The following LARGE1 variants were observed in gnomAD, a reference collection of about 807,000 sequenced individuals.
LARGE1 encodes the protein LARGE xylosyl- and glucuronyltransferase 1, also known as xylosyl- and glucuronyltransferase LARGE1.
In LARGE1, 43 loss-of-function variants were observed where a neutral mutation model predicts 87.6. That is an observed-to-expected ratio of 0.49 (90% confidence interval 0.38 to 0.63). The LOEUF (loss-of-function observed/expected upper bound fraction) is 0.63, where lower values mean the gene tolerates loss of function less well. LARGE1 is among the 30% of genes least tolerant of loss of function. LARGE1 has a pLI of 0.00. For synonymous variants in LARGE1, 434 were observed against 394.6 expected (o/e 1.10, Z -1.18); for missense variants, 802 against 1,000.2 (o/e 0.80, Z 2.67).
chr22:33,570,668 A>G (rs1443220314), intron 5 of LARGE1, among the ~76,000 whole-genome samples: 2 of 142,976 alleles, frequency 1.4e-5, no homozygotes, highest in African/African-American at 5.1e-5. Flanking sequence ...AAAAAAAAAA[A>G]AATCACAAGC....
chr22:33,457,209 C>G (rs2147973734), intron 6 of LARGE1, among the ~76,000 whole-genome samples: 1 of 151,534 alleles, frequency 6.6e-6, no homozygotes, highest in East Asian at 1.9e-4. Context: ...CTCACTGAAA[C>G]CTCTGCCTCC....
intron 11 of LARGE1, among the ~76,000 whole-genome samples, chr22:33,172,549 T>G (rs1048981426): frequency 5.9e-5 from 9 of 152,134 alleles, no homozygotes; most frequent in Non-Finnish European, 1.3e-4. Flanking sequence ...CTTCCCCAAA[T>G]TTCTCTGCAA....
At chr22:33,688,324 A>G (rs2082000916) in intron 2 of LARGE1, among the ~76,000 whole-genome samples, 5 of 152,196 alleles carry the variant, frequency 3.3e-5, no homozygotes. Flanking sequence ...AGAGTGTCAG[A>G]GTCCAAATCC....
At chr22:33,469,469 C>T (rs894113577) in intron 6 of LARGE1, among the ~76,000 whole-genome samples, 2 of 152,144 alleles carry the variant, frequency 1.3e-5, no homozygotes, top group African/African-American at 4.8e-5. Flanking sequence ...AAACCAAACA[C>T]TGAGTTTACA....
chr22:33,163,516 C>T (rs1195171907), exon 12 of LARGE1: 1 of 152,234 alleles, frequency 6.6e-6, no homozygotes, highest in Non-Finnish European at 1.5e-5. Flanking sequence ...GGCTCTCTTT[C>T]CACCCTTGTA....
chr22:33,513,081 ACACAAGTGGAAG>A (rs754699613), intron 6 of LARGE1, among the ~76,000 whole-genome samples: 54 of 152,234 alleles, frequency 3.5e-4, no homozygotes, highest in Non-Finnish European at 3.7e-4. Flanking sequence ...TGCTGGTGAG[ACACAAGTGGAAG>A]CACGGCTGTC....
intron 11 of LARGE1, among the ~76,000 whole-genome samples, chr22:33,254,063 G>A (rs1927139465): frequency 6.6e-6 from 1 of 152,152 alleles, no homozygotes; most frequent in African/African-American, 2.4e-5. Context: ...CCCAAAGTGG[G>A]AGCAAACAGG....
At position 33,906,446 on chromosome 22, in the gene LARGE1, T is replaced by C. The variant is rs76578840; in HGVS notation, c.-83+13549A>G. 2.4e-3 allele frequency among the ~76,000 whole-genome samples: 372 copies of C among 152,268 alleles called. 4 individuals carry two copies. Among genetic ancestry groups the C allele is most frequent in the Middle Eastern group, 6.8e-3 (2 of 294 alleles). On this transcript the variant is annotated intron_variant, in intron 1 of 14. Transcript: ENST00000397394. ...TTCTGAAAACAAAATTCATTTCCAG[T>C]CTCTGGGCTTTATTGCTTGAGCAAA...
chr22:33,080,943 CATCT>C, the LARGE1 span, among the ~76,000 whole-genome samples: 8 of 142,116 alleles, frequency 5.6e-5, no homozygotes, highest in African/African-American at 2.3e-4. Context: ...TCCGTTCATC[CATCT>C]GTCTTCCATC....
intron 6 of LARGE1, among the ~76,000 whole-genome samples, chr22:33,448,423 A>G (rs971144959): frequency 1.3e-5 from 2 of 152,254 alleles, no homozygotes; most frequent in African/African-American, 4.8e-5. Flanking sequence ...TAAACAATAA[A>G]TTAAGAAAAG....
intron 4 of LARGE1, among the ~76,000 whole-genome samples, chr22:33,606,821 G>T (rs1047226918): frequency 1.3e-5 from 2 of 152,112 alleles, no homozygotes; most frequent in Non-Finnish European, 2.9e-5. Flanking sequence ...TTATCTCTTA[G>T]TCTGCCTTAG....
chr22:33,892,949 T>C (rs2065041530), intron 1 of LARGE1, among the ~76,000 whole-genome samples: 2 of 152,172 alleles, frequency 1.3e-5, no homozygotes, highest in Admixed American at 1.3e-4. Flanking sequence ...TTTGCAAACG[T>C]GGAGTGAGGG....
chr22:33,306,644 G>A (rs1029036568), intron 11 of LARGE1, among the ~76,000 whole-genome samples: 2 of 152,072 alleles, frequency 1.3e-5, no homozygotes, highest in Admixed American at 1.3e-4. Context: ...AGGCCAAGGC[G>A]GGCAGATCAT....
rs749539671 is a variant in LARGE1, at chr22:33,273,668, C to T, written c.*759G>A. 6 of 398,660 alleles carry T rather than the reference C, an allele frequency of 1.5e-5. No individual in the cohort carries two copies. The highest frequency in any genetic ancestry group is 4.4e-5 in the Admixed American group (1 of 22,714). The allele number at this position is 398,660 out of a possible 1,614,324, so 24.7% of individuals were successfully genotyped here. On this transcript the variant is annotated 3_prime_UTR_variant, in exon 15 of 15. Coordinates refer to ENST00000397394, the MANE Select transcript of LARGE1 (RefSeq NM_133642.5). ...AAGGAAGCTGCCCATGTTTAAATAT[C>T]GGCCGAAGATGCTTGACCTCCTTCC...
intron 5 of LARGE1, among the ~76,000 whole-genome samples, chr22:33,600,205 T>C (rs117342842): frequency 0.011 from 1,667 of 152,326 alleles, 14 homozygotes; most frequent in South Asian, 0.051. Flanking sequence ...ATTCATTGTG[T>C]ATCAGTCATT....
chr22:33,730,092 C>A (rs183820838), intron 2 of LARGE1, among the ~76,000 whole-genome samples: 4 of 152,270 alleles, frequency 2.6e-5, no homozygotes, highest in Non-Finnish European at 2.9e-5. Context: ...TCCACAAATA[C>A]ACAGATTTTC....
chr22:33,803,555 G>T (rs866887263), intron 1 of LARGE1, among the ~76,000 whole-genome samples: 2 of 152,144 alleles, frequency 1.3e-5, no homozygotes, highest in African/African-American at 4.8e-5. Context: ...ATGTAGATGT[G>T]GCTATGACTT....
intron 2 of LARGE1, among the ~76,000 whole-genome samples, chr22:33,736,868 T>C (rs1641972719): frequency 6.6e-6 from 1 of 152,208 alleles, no homozygotes. Flanking sequence ...CAAGCCACCA[T>C]ATTTTAGATT....
intron 2 of LARGE1, among the ~76,000 whole-genome samples, chr22:33,695,840 G>A (rs567545743): frequency 7.9e-5 from 12 of 152,268 alleles, no homozygotes; most frequent in Admixed American, 1.3e-4. Context: ...GATGCAGAAC[G>A]TTCTGGAGTG....
Sources: allele counts gnomAD v4.1 joint callset (sites outside exome capture counted in the v4.1 genomes callset), GRCh38; gene constraint gnomAD v4.1.1; transcripts MANE v1.5; gene names NCBI Gene and HGNC (gene_info 2026-07-23, HGNC 2026-07-21).